Variants in AKAP1 observed in about 807,000 individuals in gnomAD.
AKAP1 encodes the protein A-kinase anchor protein 1, mitochondrial.
A neutral mutation model predicts 79.8 loss-of-function variants in AKAP1; 32 were observed. That is an observed-to-expected ratio of 0.40 (90% confidence interval 0.30 to 0.54). The LOEUF (loss-of-function observed/expected upper bound fraction) is 0.54, where lower values mean the gene tolerates loss of function less well. AKAP1 is among the 20% of genes least tolerant of loss of function. The pLI is 0.47. For synonymous variants in AKAP1, 416 were observed against 466.7 expected (o/e 0.89, Z 1.40); for missense variants, 961 against 1,138.9 (o/e 0.84, Z 2.25).
At position 57,116,262 on chromosome 17, in the gene AKAP1, G is replaced by A; in HGVS notation, c.2432+1G>A. Reference sequence around the variant, plus strand: ...AAGTAGACGTGCTCCGGCAAATCAGGTGAGCGGAGATGCCTCAGGCAGGCC... The same window carrying A: ...AAGTAGACGTGCTCCGGCAAATCAGATGAGCGGAGATGCCTCAGGCAGGCC... On this transcript the variant is annotated splice_donor_variant, in intron 7 of 10. Coordinates refer to ENST00000337714, the MANE Select transcript of AKAP1 (RefSeq NM_003488.4). LOFTEE classifies it high-confidence loss of function. 6.2e-7 allele frequency: 1 copy of A among 1,614,122 alleles called. No homozygotes were observed. The highest frequency in any genetic ancestry group is 8.5e-7 in the Non-Finnish European group (1 of 1,180,006).
intron 7 of AKAP1, 147 bp from the exon 8 acceptor site, chr17:57,116,713 C>T (rs1441149524): frequency 4.8e-5 from 36 of 752,200 alleles, no homozygotes; most frequent in Non-Finnish European, 4.8e-5. Flanking sequence ...TTTGGGTGTG[C>T]TGTGAGCCGT....
chr17:57,105,994 A>G lies in AKAP1; in HGVS notation c.530A>G (p.Lys177Arg). ...TCCCCCTTCAGCAGGGTGCCAAGGA[A>G]GGTCCAGCCAGGCTACCCCGTAGTC... ...QDSPFSRVPR[K>R]VQPGYPVVPA... Residue 177 changes from lysine to arginine, a missense_variant, in exon 2 of 11, where the codon AAG becomes AGG. Around this residue, in one of 3 missense-constraint regions of AKAP1, gnomAD observed 224 missense variants for 210.2 expected, o/e 1.07. Transcript: ENST00000337714. The G allele has an allele frequency of 6.2e-7, 1 of 1,614,096 alleles. No homozygotes were observed. Among genetic ancestry groups the G allele is most frequent in the East Asian group, 2.2e-5 (1 of 44,888 alleles).
intron 9 of AKAP1, among the ~76,000 whole-genome samples, 159 bp downstream of exon 9, chr17:57,118,613 T>G (rs551505121): frequency 6.6e-6 from 1 of 152,312 alleles, no homozygotes; most frequent in South Asian, 2.1e-4. Context: ...GTTCTCACAT[T>G]GCTGTAAAGA....
intron 2 of AKAP1, among the ~76,000 whole-genome samples, chr17:57,108,414 A>ATTT (rs1160790582): frequency 1.3e-5 from 2 of 152,158 alleles, no homozygotes; most frequent in East Asian, 3.8e-4. Flanking sequence ...AAAATGGGTG[A>ATTT]TTTTTATTTT....
chr17:57,112,802 G>T (rs1200349185), intron 5 of AKAP1, among the ~76,000 whole-genome samples, 184 bp downstream of exon 5: 1 of 152,258 alleles, frequency 6.6e-6, no homozygotes, highest in African/African-American at 2.4e-5. Flanking sequence ...GGCTTAGGTG[G>T]TGATAGCGCT....
chr17:57,120,379 A>G lies in AKAP1; in HGVS notation c.*55A>G. 1 of 1,498,918 alleles carries G rather than the reference A, an allele frequency of 6.7e-7. No individual in the cohort carries two copies. The highest frequency in any genetic ancestry group is 1.9e-5 in the Admixed American group (1 of 52,800). The allele number at this position is 1,498,918 out of a possible 1,614,324, so 92.9% of individuals were successfully genotyped here. On this transcript the variant is annotated 3_prime_UTR_variant, in exon 11 of 11. Coordinates refer to ENST00000337714, the MANE Select transcript of AKAP1 (RefSeq NM_003488.4). ...TTGCACTGTTGAAATTGGGCTTGGC[A>G]CTCAAGTCAAAGATGAACATCGGAA...
chr17:57,091,462 G>T (rs113669455), intron 1 of AKAP1, among the ~76,000 whole-genome samples: 1 of 152,046 alleles, frequency 6.6e-6, no homozygotes, highest in African/African-American at 2.4e-5. Context: ...GTGTGTGGAG[G>T]GGGTGGCTGC....
chr17:57,113,751 C>T (rs535147789), intron 5 of AKAP1, among the ~76,000 whole-genome samples: 1 of 151,856 alleles, frequency 6.6e-6, no homozygotes, highest in Admixed American at 6.6e-5. Context: ...TACAGGTGTG[C>T]TCCACCATGC....
At chr17:57,089,393 G>C (rs1913647537) in intron 1 of AKAP1, among the ~76,000 whole-genome samples, 1 of 152,338 alleles carries the variant, frequency 6.6e-6, no homozygotes, top group Middle Eastern at 3.4e-3. Context: ...TGTCCTGGGT[G>C]TGGGGAGTTT....
chr17:57,119,040 A>G lies in AKAP1; in HGVS notation c.2633A>G (p.Asp878Gly). 2 of 1,613,744 alleles carry G rather than the reference A, an allele frequency of 1.2e-6. No individual in the cohort carries two copies. Among genetic ancestry groups the G allele is most frequent in the South Asian group, 1.1e-5 (1 of 91,056 alleles). Residue 878 changes from aspartate to glycine, a missense_variant, in exon 10 of 11, where the codon GAT becomes GGT. Physicochemically the swap from Asp to Gly is moderately conservative, Grantham distance 94. Transcript: ENST00000337714. ...ATTCAGCTGTGGAGTGTGGTTGGAGATGAAGTAAGTTCTGCCCTTCTTTTC... is the reference window on the plus strand; with the variant it reads ...ATTCAGCTGTGGAGTGTGGTTGGAGGTGAAGTAAGTTCTGCCCTTCTTTTC... ...PLIQLWSVVGDEVVLINRSLV... is the reference protein window; with the variant it reads ...PLIQLWSVVGGEVVLINRSLV...
rs1237741953 is a variant in AKAP1 at position 57,116,214 on chromosome 17, C to G, written c.2385C>G (p.Asp795Glu). 6.2e-7 allele frequency: 1 copy of G among 1,614,064 alleles called. No homozygotes were observed. The highest frequency in any genetic ancestry group is 8.5e-7 in the Non-Finnish European group (1 of 1,180,042). ...ACGAAGTGGAGATTCGATACGTGGA[C>G]TACGGCGGATATAAGAGGGTGAAAG... is the stretch of plus-strand genomic sequence containing the variant. Reference protein sequence around the residue: ...ETNEVEIRYVDYGGYKRVKVD... With the variant: ...ETNEVEIRYVEYGGYKRVKVD... The change falls in exon 7 of 11, where the codon GAC becomes GAG. Residue 795 changes from aspartate to glutamate, a missense_variant. Asp to Glu is a conservative substitution (Grantham distance 45). This residue lies in a region of AKAP1 where 629 missense variants were observed against 781.1 expected (regional missense o/e 0.81). Transcript: ENST00000337714.
rs1914788412 is a variant in AKAP1 at position 57,105,472 on chromosome 17, T to C, written c.8T>C (p.Ile3Thr). MA[I>T]QFRSLFPLAL... ...TTACTTCAAGCCTCCAGGATGGCAA[T>C]CCAGTTCCGTTCGCTCTTCCCCTTG... Residue 3 changes from isoleucine (I) to threonine (T), a missense_variant, in exon 2 of 11, where the codon ATC becomes ACC. This residue lies in a region of AKAP1 where 108 missense variants were observed against 147.6 expected (regional missense o/e 0.73). Transcript: ENST00000337714. 6.2e-7 allele frequency: 1 copy of C among 1,613,956 alleles called. No homozygotes were observed. Among genetic ancestry groups the C allele is most frequent in the Non-Finnish European group, 8.5e-7 (1 of 1,179,930 alleles).
At position 57,086,578 on chromosome 17, in the gene AKAP1, C is replaced by T. The variant is rs775791472; in HGVS notation, c.-25+1180C>T. 1.6e-5 allele frequency: 6 copies of T among 379,900 alleles called. No homozygotes were observed. 23.5% of individuals were successfully genotyped at this position (379,900 alleles called of 1,614,324 possible). ...TCTCAAGCTGGGTAGGGTGTATGCG[C>T]AGGGCAATTAGTGAGGTTAACCTGG... On this transcript the variant is annotated intron_variant, in intron 1 of 10. Transcript: ENST00000337714. The surrounding 1 kb of genome is among the most constrained non-coding windows in gnomAD (Gnocchi z 5.1).
At chr17:57,092,507 T>A (rs1913844582) in intron 1 of AKAP1, 1 of 152,224 alleles carries the variant, frequency 6.6e-6, no homozygotes, top group Non-Finnish European at 1.5e-5. Flanking sequence ...AAGGGGGGCT[T>A]ATTATCCCTT....
chr17:57,106,406 G>A lies in AKAP1; in HGVS notation c.942G>A (p.Glu314=). The A allele has an allele frequency of 7.1e-7, 1 of 1,410,704 alleles. No homozygotes were observed. Among genetic ancestry groups the A allele is most frequent in the Non-Finnish European group, 9.9e-7 (1 of 1,011,510 alleles). 87.4% of individuals were successfully genotyped at this position (1,410,704 alleles called of 1,614,324 possible). A position where few individuals can be genotyped will look rare whatever the true frequency, so the allele number is the denominator to read the frequency against. ...LGNEESLDRN[E]EGLDRNEEGL... ...ATGAGGAGAGCTTGGATAGAAATGA[G>A]GAGGGCTTGGATAGAAATGAGGAGG... Residue 314 remains glutamate, a synonymous_variant, in exon 2 of 11, where the codon GAG becomes GAA. Transcript: ENST00000337714.
intron 3 of AKAP1, 102 bp downstream of exon 3, chr17:57,110,260 TAAACCAG>T: frequency 6.7e-7 from 1 of 1,492,202 alleles, no homozygotes; most frequent in Non-Finnish European, 9.0e-7. Flanking sequence ...AGAGGGACAG[TAAACCAG>T]AAGGAGCCCT....
intron 3 of AKAP1, 126 bp downstream of exon 3, chr17:57,110,284 GC>G: frequency 2.3e-6 from 3 of 1,314,630 alleles, no homozygotes; most frequent in Non-Finnish European, 3.1e-6. Flanking sequence ...CCCTGGGTCA[GC>G]CAAAGGCCGC....
In AKAP1 at chr17:57,116,223, A is replaced by T. The variant is rs1478914255; in HGVS notation, c.2394A>T (p.Gly798=). The change falls in exon 7 of 11, where the codon GGA becomes GGT. Residue 798 remains glycine (G), a synonymous_variant. Coordinates refer to ENST00000337714, the MANE Select transcript of AKAP1 (RefSeq NM_003488.4). ...AGATTCGATACGTGGACTACGGCGG[A>T]TATAAGAGGGTGAAAGTAGACGTGC... is the stretch of plus-strand genomic sequence containing the variant. The part of the protein sequence containing the change: ...EVEIRYVDYG[G]YKRVKVDVLR... 6.2e-7 allele frequency: 1 copy of T among 1,614,170 alleles called. No individual in the cohort carries two copies. Among genetic ancestry groups the T allele is most frequent in the Non-Finnish European group, 8.5e-7 (1 of 1,180,032 alleles).
intron 7 of AKAP1, 141 bp downstream of exon 7, chr17:57,116,402 G>T (rs1915588231): frequency 1.8e-6 from 2 of 1,124,562 alleles, no homozygotes; most frequent in Admixed American, 4.4e-5. Flanking sequence ...AGCAGAGTCT[G>T]ATAGAAACAA....
Sources: gnomAD v4.1 joint callset for allele counts (sites outside exome capture counted in the v4.1 genomes callset) on GRCh38, gnomAD v4.1.1 for gene constraint, gnomAD v4.1.1 regional missense constraint, Gnocchi (gnomAD v3.1) non-coding constraint, MANE v1.5 for transcripts, NCBI Gene and HGNC (gene_info 2026-07-23, HGNC 2026-07-21) for gene names.